The following DGCR8 variants were observed in gnomAD, a reference collection of about 807,000 sequenced individuals.
DGCR8 encodes the protein DGCR8 microprocessor complex subunit, also known as microprocessor complex subunit DGCR8.
A neutral mutation model predicts 78.5 loss-of-function variants in DGCR8; 14 were observed. That is an observed-to-expected ratio of 0.18 (90% CI 0.12 to 0.28). The LOEUF (loss-of-function observed/expected upper bound fraction) is 0.28. Among genes scored for constraint, DGCR8 ranks in the 10% least tolerant of loss-of-function variants. The pLI is 1.00. For synonymous variants in DGCR8, 399 were observed against 402.4 expected, an observed-to-expected ratio of 0.99 and a Z score of 0.10; for missense variants, 702 against 1,022.5, an observed-to-expected ratio of 0.69 and a Z score of 4.28.
Position 20,111,706 on chromosome 22 carries a change from G to GCGCCCCCC in DGCR8, c.*1599_*1600insGCCCCCCC, listed in dbSNP as rs2049850193. 3.2e-5 allele frequency: 2 copies of GCGCCCCCC among 63,028 alleles called. No homozygotes were observed. The highest frequency in any genetic ancestry group is 8.7e-5 in the African/African-American group (1 of 11,454). The allele number at this position is 63,028 out of a possible 1,614,324, so 3.9% of individuals were successfully genotyped here. A position where few individuals can be genotyped will look rare whatever the true frequency, so the allele number is the denominator to read the frequency against. Reference sequence around the variant, plus strand: ...TGCCATACTCTTGTGGTCTCTGTGCGCCCCCCCCCCCCCCCCACCCGTCTG... The same window carrying GCGCCCCCC: ...TGCCATACTCTTGTGGTCTCTGTGCGCGCCCCCCCCCCCCCCCCCCCCCCACCCGTCTG... On this transcript the variant is annotated 3_prime_UTR_variant, in exon 14 of 14. Transcript: ENST00000351989.
At chr22:20,082,431 A>T (rs2049429259) in intron 1 of DGCR8, among the ~76,000 whole-genome samples, 1 of 149,276 alleles carries the variant, frequency 6.7e-6, no homozygotes, top group Non-Finnish European at 1.5e-5. Context: ...CAGTGGTGCG[A>T]TCTCCCGCTC....
chr22:20,093,395 ACT>A (rs904883179), intron 8 of DGCR8, among the ~76,000 whole-genome samples: 3 of 151,176 alleles, frequency 2.0e-5, no homozygotes, highest in Non-Finnish European at 3.0e-5. Context: ...ACAGTGCAAG[ACT>A]CTGTCTAAAA....
intron 8 of DGCR8, among the ~76,000 whole-genome samples, chr22:20,093,346 A>G (rs2049589075): frequency 6.6e-6 from 1 of 151,984 alleles, no homozygotes; most frequent in African/African-American, 2.4e-5. Context: ...CAGAGCTTGC[A>G]GTGAGCTGAG....
Sources: gnomAD v4.1 joint callset for allele counts (sites outside exome capture counted in the v4.1 genomes callset) on GRCh38, gnomAD v4.1.1 for gene constraint, MANE v1.5 for transcripts, NCBI Gene and HGNC (gene_info 2026-07-23, HGNC 2026-07-21) for gene names.